NCAM2: variants seen among roughly 807,000 people sequenced by gnomAD.
The protein encoded by NCAM2 is N-CAM-2.
In NCAM2, 30 loss-of-function variants were observed where a neutral mutation model predicts 98.1. The ratio of observed to expected loss-of-function variants is 0.31; its 90% confidence interval spans 0.23 to 0.41. The LOEUF is 0.41. Among genes scored for constraint, NCAM2 ranks in the 10% least tolerant of loss-of-function variants. NCAM2 has a pLI of 1.00. For missense variants in NCAM2, 867 were observed against 1,005.8 expected, an observed-to-expected ratio of 0.86 and a Z score of 1.87; for synonymous variants, 368 against 342.4, an observed-to-expected ratio of 1.07 and a Z score of -0.83.
chr21:21,090,508 A>G (rs979383997), intron 1 of NCAM2, among the ~76,000 whole-genome samples: 5 of 152,176 alleles, frequency 3.3e-5, no homozygotes, highest in Non-Finnish European at 7.4e-5. Context: ...CCATCAGTAG[A>G]TATATCTTAC....
intron 5 of NCAM2, among the ~76,000 whole-genome samples, chr21:21,314,484 C>T (rs962718624): frequency 6.6e-6 from 1 of 151,908 alleles, no homozygotes; most frequent in East Asian, 1.9e-4. Context: ...TTCTTGGGTT[C>T]GATGCTGTTG....
At position 21,222,889 on chromosome 21, in the gene NCAM2, CAA is replaced by C. The variant is rs1185754265; in HGVS notation, c.56-57687_56-57686del. Among the ~76,000 whole-genome samples, 9 of 152,102 alleles carry C rather than the reference CAA, an allele frequency of 5.9e-5. No individual in the cohort carries two copies. The East Asian group carries it at 9.6e-4, about 16-fold the overall frequency. On this transcript the variant is annotated intron_variant, in intron 1 of 17. Coordinates refer to ENST00000400546, the MANE Select transcript of NCAM2 (RefSeq NM_004540.5). ...TCCTATAGAGAATTATTTTGTGAAACAAAGAGGCAATGGGTGCACCAAACTTT... is the reference window on the plus strand; with the variant it reads ...TCCTATAGAGAATTATTTTGTGAAACAGAGGCAATGGGTGCACCAAACTTT...
chr21:21,032,834 A>G (rs549253628), intron 1 of NCAM2, among the ~76,000 whole-genome samples: 2 of 152,160 alleles, frequency 1.3e-5, no homozygotes, highest in South Asian at 4.2e-4. Flanking sequence ...TGAATCCCTC[A>G]TTTTCATAAA....
chr21:21,071,776 TA>T, intron 1 of NCAM2, among the ~76,000 whole-genome samples: 2 of 152,276 alleles, frequency 1.3e-5, no homozygotes, highest in Middle Eastern at 6.8e-3. Context: ...AGCAAATGTT[TA>T]AATATCTGCG....
chr21:21,029,890 A>G (rs369026212), intron 1 of NCAM2, among the ~76,000 whole-genome samples: 6 of 152,260 alleles, frequency 3.9e-5, no homozygotes, highest in East Asian at 1.9e-4. Flanking sequence ...TGAGCCTCCC[A>G]AAGTGCTGGG....
intron 9 of NCAM2, among the ~76,000 whole-genome samples, chr21:21,398,218 T>C (rs531826830): frequency 6.6e-6 from 1 of 152,260 alleles, no homozygotes; most frequent in South Asian, 2.1e-4. Context: ...GCTATGAGGA[T>C]GCAAAGGCAT....
intron 11 of NCAM2, among the ~76,000 whole-genome samples, chr21:21,421,267 T>C (rs2077105076): frequency 6.6e-6 from 1 of 152,044 alleles, no homozygotes; most frequent in South Asian, 2.1e-4. Flanking sequence ...ATATTGTTCA[T>C]TGAAAAATAT....
chr21:21,299,532 A>G (rs910714366), intron 5 of NCAM2, among the ~76,000 whole-genome samples: 9 of 151,758 alleles, frequency 5.9e-5, no homozygotes. Context: ...CTCTAGGATG[A>G]GATTTCACAA....
chr21:21,034,822 T>C (rs1489898059), intron 1 of NCAM2, among the ~76,000 whole-genome samples: 2 of 132,804 alleles, frequency 1.5e-5, no homozygotes, highest in Admixed American at 1.6e-4. Context: ...GAAACAAGTT[T>C]AGTTTCATTA....
chr21:21,297,795 C>G (rs1201086573), intron 5 of NCAM2, among the ~76,000 whole-genome samples: 1 of 151,486 alleles, frequency 6.6e-6, no homozygotes, highest in African/African-American at 2.4e-5. Context: ...AAAATACAGT[C>G]AGTAGAGTGT....
intron 1 of NCAM2, among the ~76,000 whole-genome samples, chr21:21,092,443 ATATTAT>A (rs1232413217): frequency 6.6e-6 from 1 of 152,040 alleles, no homozygotes; most frequent in Admixed American, 6.6e-5. Flanking sequence ...TGAATGAATA[ATATTAT>A]TAATTTTATC....
At chr21:21,396,541 C>A (rs776875013) in intron 9 of NCAM2, among the ~76,000 whole-genome samples, 1 of 152,086 alleles carries the variant, frequency 6.6e-6, no homozygotes, top group Non-Finnish European at 1.5e-5. Context: ...TCAGCTCATG[C>A]TATTGGCCTA....
At chr21:21,335,819 AT>A (rs1279416690) in intron 7 of NCAM2, among the ~76,000 whole-genome samples, 154 bp downstream of exon 7, 15 of 152,146 alleles carry the variant, frequency 9.9e-5, no homozygotes, top group African/African-American at 3.6e-4. Context: ...ACCAGATAGA[AT>A]TTTTTGAAGA....
At chr21:21,510,900 A>G (rs992051842) in intron 16 of NCAM2, among the ~76,000 whole-genome samples, 9 of 152,010 alleles carry the variant, frequency 5.9e-5, no homozygotes, top group Non-Finnish European at 1.2e-4. Context: ...GAACTTTATT[A>G]TCTACGTCTC....
chr21:21,316,095 G>T (rs2074211923), intron 5 of NCAM2, among the ~76,000 whole-genome samples: 1 of 151,978 alleles, frequency 6.6e-6, no homozygotes, highest in African/African-American at 2.4e-5. Context: ...CCACACTTTA[G>T]GATTCTTACT....
At chr21:21,535,019 G>C (rs1989908908) in intron 17 of NCAM2, among the ~76,000 whole-genome samples, 1 of 152,040 alleles carries the variant, frequency 6.6e-6, no homozygotes, top group Admixed American at 6.6e-5. Context: ...GGACATGTTA[G>C]GAAATTTGTC....
At chr21:21,184,345 T>G (rs1050968925) in intron 1 of NCAM2, among the ~76,000 whole-genome samples, 1 of 152,078 alleles carries the variant, frequency 6.6e-6, no homozygotes, top group Non-Finnish European at 1.5e-5. Context: ...AAGTAATCTT[T>G]TTATGATATC....
At chr21:21,293,031 C>T (rs1429916690) in intron 5 of NCAM2, among the ~76,000 whole-genome samples, 8 of 151,798 alleles carry the variant, frequency 5.3e-5, no homozygotes, top group Non-Finnish European at 1.0e-4. Context: ...AGAACTCCCT[C>T]GCTGTCACAA....
rs924203311 is a variant in NCAM2 at position 21,276,882 on chromosome 21, G to A, written c.56-3696G>A. 2.0e-5 allele frequency among the ~76,000 whole-genome samples: 3 copies of A among 151,870 alleles called. No homozygotes were observed. In the South Asian group the frequency reaches 6.2e-4, roughly 31 times the overall value. ...TATGGCTTAATTAATATGTGCATTG[G>A]TAATTTGTACTGAATGAAAAATTAA... On this transcript the variant is annotated intron_variant, in intron 1 of 17. Transcript: ENST00000400546.
Sources: gnomAD v4.1 joint callset for allele counts (sites outside exome capture counted in the v4.1 genomes callset) on GRCh38, gnomAD v4.1.1 for gene constraint, MANE v1.5 for transcripts, NCBI Gene and HGNC (gene_info 2026-07-23, HGNC 2026-07-21) for gene names.